SLC36A3: variants seen among roughly 807,000 people sequenced by gnomAD.
The protein encoded by SLC36A3 is proton-coupled amino acid transporter 3.
In SLC36A3, 35 loss-of-function variants were observed where a neutral mutation model predicts 44.3. That is an observed-to-expected ratio of 0.79 (90% CI 0.60 to 1.05). The LOEUF (loss-of-function observed/expected upper bound fraction) is 1.05, where lower values mean the gene tolerates loss of function less well. Among genes scored for constraint, SLC36A3 ranks in the 50% least tolerant of loss-of-function variants. SLC36A3 has a pLI of 0.00. For synonymous variants in SLC36A3, 211 were observed against 227.6 expected, an observed-to-expected ratio of 0.93 and a Z score of 0.66; for missense variants, 540 against 578.7, an observed-to-expected ratio of 0.93 and a Z score of 0.69.
chr5:151,297,516 A>G (rs1754997840), intron 2 of SLC36A3: 1 of 152,198 alleles, frequency 6.6e-6, no homozygotes, highest in South Asian at 2.1e-4. Flanking sequence ...AAATGGAATT[A>G]TATATTTGGT....
chr5:151,279,863 G>A (rs190732872), intron 9 of SLC36A3, among the ~76,000 whole-genome samples: 1 of 152,288 alleles, frequency 6.6e-6, no homozygotes, highest in East Asian at 1.9e-4. Context: ...TCTGACTCCT[G>A]GAGCCTTGAA....
intron 1 of SLC36A3, among the ~76,000 whole-genome samples, chr5:151,301,938 G>T (rs1755176439): frequency 6.6e-6 from 1 of 151,738 alleles, no homozygotes; most frequent in Non-Finnish European, 1.5e-5. Context: ...TTCCTAGAGG[G>T]GTATTATTAA....
rs70976011 is a variant in SLC36A3, at chr5:151,282,111, GTTTTTTTTTTTTTT to G, written c.975-942_975-929del. 8.1e-3 allele frequency among the ~76,000 whole-genome samples: 455 copies of G among 56,162 alleles called. 4 individuals carry two copies. The highest frequency in any genetic ancestry group is 0.025 in the African/African-American group (377 of 14,790). 36.8% of individuals were successfully genotyped at this position (56,162 alleles called of 152,430 possible). A position where few individuals can be genotyped will look rare whatever the true frequency, so the allele number is the denominator to read the frequency against. On this transcript the variant is annotated intron_variant, in intron 8 of 9. Transcript: ENST00000335230. ...CCCAATATTTCTTTTCTTTTTCTTT[GTTTTTTTTTTTTTT>G]TTTTTTTTTTTTGAGACGGAGTTTC...
chr5:151,295,856 A>G (rs980299759), intron 3 of SLC36A3, among the ~76,000 whole-genome samples: 1 of 152,194 alleles, frequency 6.6e-6, no homozygotes, highest in Non-Finnish European at 1.5e-5. Context: ...GAAGAGAAGA[A>G]AGTCTCTGTC....
At chr5:151,298,917 G>T (rs1263459315) in intron 1 of SLC36A3, among the ~76,000 whole-genome samples, 1 of 152,066 alleles carries the variant, frequency 6.6e-6, no homozygotes, top group Non-Finnish European at 1.5e-5. Context: ...AGGCTCTAAA[G>T]GAAATAAAAA....
chr5:151,300,332 G>A (rs1755127874), intron 1 of SLC36A3, among the ~76,000 whole-genome samples: 1 of 152,192 alleles, frequency 6.6e-6, no homozygotes, highest in Admixed American at 6.5e-5. Context: ...GAGAACAGAT[G>A]AACTGTTGGG....
chr5:151,296,524 C>A, intron 2 of SLC36A3: 1 of 517,796 alleles, frequency 1.9e-6, no homozygotes, highest in South Asian at 2.5e-5. Flanking sequence ...ATAGCCCATG[C>A]ATTTTCTCAT....
intron 9 of SLC36A3, 37 bp from the exon 10 acceptor site, chr5:151,277,698 G>A (rs1470830813): frequency 1.3e-6 from 2 of 1,596,940 alleles, no homozygotes; most frequent in African/African-American, 2.7e-5. Flanking sequence ...CACTGAATGT[G>A]CTCAGAAACA....
chr5:151,294,600 G>A (rs1754890315), intron 3 of SLC36A3, among the ~76,000 whole-genome samples: 1 of 151,654 alleles, frequency 6.6e-6, no homozygotes. Flanking sequence ...ATGTGAATGT[G>A]AAATCTCCAA....
In SLC36A3 at chr5:151,291,236, C is replaced by CCTGGTGGTGTAT. The variant is rs1455729689; in HGVS notation, c.404+2127_404+2128insATACACCACCAG. On this transcript the variant is annotated intron_variant, in intron 4 of 9. Transcript: ENST00000335230. ...GTCTCAAGAGATCCTCCCACCTTGA[C>CCTGGTGGTGTAT]CTCTCAAGGTGTTGGGATTACAGGC... 5.9e-5 allele frequency among the ~76,000 whole-genome samples: 9 copies of CCTGGTGGTGTAT among 152,242 alleles called. No homozygotes were observed. In the East Asian group the frequency reaches 1.7e-3, roughly 29 times the overall value.
At chr5:151,290,878 AAAT>A (rs34311183) in intron 4 of SLC36A3, among the ~76,000 whole-genome samples, 23,668 of 150,906 alleles carry the variant, frequency 0.16, 2,384 homozygotes, top group African/African-American at 0.29. Flanking sequence ...CTCTGTCTCA[AAAT>A]AATAATAATA....
chr5:151,279,652 A>G (rs1427011491), intron 9 of SLC36A3, among the ~76,000 whole-genome samples: 1 of 152,154 alleles, frequency 6.6e-6, no homozygotes, highest in Admixed American at 6.5e-5. Flanking sequence ...CACAAACAAT[A>G]CTATTTACAG....
At chr5:151,282,882 CTTTCTTTTTT>C (rs1170444513) in intron 8 of SLC36A3, among the ~76,000 whole-genome samples, 18 of 118,676 alleles carry the variant, frequency 1.5e-4, no homozygotes, top group Admixed American at 4.6e-4. Flanking sequence ...TTCTTTCTTT[CTTTCTTTTTT>C]TTTTTTTTTG....
chr5:151,280,422 C>G (rs556429585), intron 9 of SLC36A3, among the ~76,000 whole-genome samples: 1 of 152,230 alleles, frequency 6.6e-6, no homozygotes, highest in South Asian at 2.1e-4. Context: ...CCACTGCACT[C>G]CAGTCTGGGC....
At chr5:151,278,241 A>G (rs1754175286) in intron 9 of SLC36A3, among the ~76,000 whole-genome samples, 1 of 152,170 alleles carries the variant, frequency 6.6e-6, no homozygotes, top group Admixed American at 6.5e-5. Context: ...TCTATTCTTA[A>G]TAGGATCTTA....
chr5:151,280,611 T>A (rs1192466853), intron 9 of SLC36A3, among the ~76,000 whole-genome samples: 5 of 152,248 alleles, frequency 3.3e-5, no homozygotes. Flanking sequence ...ACAATCTGTG[T>A]TCAAATCCCA....
intron 4 of SLC36A3, among the ~76,000 whole-genome samples, chr5:151,292,502 G>A (rs1036994718): frequency 1.3e-5 from 2 of 152,142 alleles, no homozygotes; most frequent in African/African-American, 4.8e-5. Flanking sequence ...TATTTCCAGG[G>A]CAATAAAAAC....
intron 7 of SLC36A3, 145 bp downstream of exon 7, chr5:151,284,468 G>A: frequency 1.4e-6 from 1 of 701,294 alleles, no homozygotes; most frequent in Non-Finnish European, 2.4e-6. Context: ...TAGGGACCCT[G>A]TATGTGGGTA....
chr5:151,298,486 A>G (rs1259863128), intron 2 of SLC36A3, 107 bp downstream of exon 2: 1 of 1,078,752 alleles, frequency 9.3e-7, no homozygotes, highest in Non-Finnish European at 1.4e-6. Flanking sequence ...TCAATTGCAG[A>G]GGGTACCCCC....
Sources: allele counts gnomAD v4.1 joint callset (sites outside exome capture counted in the v4.1 genomes callset), GRCh38; gene constraint gnomAD v4.1.1; transcripts MANE v1.5; gene names NCBI Gene and HGNC (gene_info 2026-07-23, HGNC 2026-07-21).